The following SLC8A1 variants were observed in gnomAD, a reference collection of about 807,000 sequenced individuals.
SLC8A1 encodes sodium/calcium exchanger 1.
A neutral mutation model predicts 68.3 loss-of-function variants in SLC8A1; 18 were observed. The ratio of observed to expected loss-of-function variants is 0.26; its 90% CI spans 0.18 to 0.39. SLC8A1 has a LOEUF of 0.39. SLC8A1 is among the 10% of genes least tolerant of loss of function. The probability of loss-of-function intolerance (pLI) is 1.00; values close to 1 mark genes in which losing one functional copy is unlikely to be tolerated. For synonymous variants in SLC8A1, 475 were observed against 415.5 expected, an observed-to-expected ratio of 1.14 and a Z score of -1.74; for missense variants, 985 against 1,156.7, an observed-to-expected ratio of 0.85 and a Z score of 2.15.
At chr2:40,267,549 G>A (rs2065499709) in intron 2 of SLC8A1, among the ~76,000 whole-genome samples, 2 of 152,124 alleles carry the variant, frequency 1.3e-5, no homozygotes, top group Admixed American at 6.6e-5. Context: ...TAAGCTTTGT[G>A]AAAGCAGGAA....
intron 2 of SLC8A1, among the ~76,000 whole-genome samples, chr2:40,257,273 C>T (rs1299174425): frequency 6.6e-6 from 1 of 152,114 alleles, no homozygotes; most frequent in Non-Finnish European, 1.5e-5. Flanking sequence ...CTAGTGCCTT[C>T]CTAACACGCA....
chr2:40,491,212 T>C (rs1705295885), intron 1 of SLC8A1, among the ~76,000 whole-genome samples: 1 of 152,168 alleles, frequency 6.6e-6, no homozygotes, highest in Admixed American at 6.6e-5. Flanking sequence ...CCCTTGTAAG[T>C]TGGATTCCTA....
intron 2 of SLC8A1, among the ~76,000 whole-genome samples, chr2:40,262,823 T>C (rs751486692): frequency 1.3e-5 from 2 of 151,956 alleles, no homozygotes; most frequent in African/African-American, 2.4e-5. Context: ...TATGAGAGAG[T>C]TGCTAAAATT....
intron 2 of SLC8A1, among the ~76,000 whole-genome samples, chr2:40,291,766 T>C (rs943916070): frequency 4.6e-5 from 7 of 152,164 alleles, no homozygotes; most frequent in Admixed American, 6.6e-5. Context: ...CATTTATCCA[T>C]TGGATTTTTC....
intron 2 of SLC8A1, among the ~76,000 whole-genome samples, chr2:40,220,993 A>G (rs1175543288): frequency 1.3e-5 from 2 of 152,286 alleles, no homozygotes; most frequent in East Asian, 3.9e-4. Context: ...TCCAAACAAC[A>G]GAAAAAGAGG....
intron 2 of SLC8A1, among the ~76,000 whole-genome samples, chr2:40,349,559 A>T (rs1299749285): frequency 6.6e-6 from 1 of 152,086 alleles, no homozygotes; most frequent in Non-Finnish European, 1.5e-5. Context: ...TCTCTGTGAA[A>T]TGGGGTTAAT....
At chr2:40,370,348 C>T (rs1347570781) in intron 2 of SLC8A1, among the ~76,000 whole-genome samples, 1 of 152,046 alleles carries the variant, frequency 6.6e-6, no homozygotes, top group Admixed American at 6.6e-5. Context: ...AACTTTTCTT[C>T]CAGCACCCAC....
exon 8 of SLC8A1, chr2:40,102,153 A>G (rs553995712): frequency 6.6e-6 from 1 of 152,282 alleles, no homozygotes; most frequent in East Asian, 1.9e-4. Flanking sequence ...CAGCAAACCT[A>G]TAAGTAAAAT....
intron 7 of SLC8A1, among the ~76,000 whole-genome samples, chr2:40,136,483 G>A (rs1424667070): frequency 6.6e-6 from 1 of 152,128 alleles, no homozygotes; most frequent in Admixed American, 6.5e-5. Flanking sequence ...TGTCCGTCTG[G>A]CCTTTAGAAT....
At chr2:40,204,719 G>A (rs2055050018) in intron 2 of SLC8A1, among the ~76,000 whole-genome samples, 1 of 151,926 alleles carries the variant, frequency 6.6e-6, no homozygotes, top group African/African-American at 2.4e-5. Flanking sequence ...AGATAAAGGT[G>A]AAAATTTAAT....
In SLC8A1 at chr2:40,326,006, A is replaced by C. The variant is rs1559251563; in HGVS notation, c.1808+102467T>G. ...CTGCCTTCTTCACACGCCCACAGGG[A>C]AAGTCAGCAACTCACCTGTCCTGAG... is the stretch of plus-strand genomic sequence containing the variant. On this transcript the variant is annotated intron_variant, in intron 2 of 7. Coordinates refer to ENST00000406785, the Ensembl canonical transcript of SLC8A1. Among the ~76,000 whole-genome samples the C allele has an allele frequency of 2.0e-5, 3 of 152,060 alleles. No homozygotes were observed. The South Asian group carries it at 6.2e-4, about 31-fold the overall frequency.
intron 1 of SLC8A1, among the ~76,000 whole-genome samples, chr2:40,451,377 G>T (rs984111592): frequency 3.9e-5 from 6 of 152,270 alleles, no homozygotes; most frequent in South Asian, 2.1e-4. Context: ...CCTCTCCGCA[G>T]TCCGTGGTGA....
intron 1 of SLC8A1, among the ~76,000 whole-genome samples, chr2:40,486,848 A>C (rs183399215): frequency 6.8e-6 from 1 of 146,814 alleles, no homozygotes; most frequent in African/African-American, 2.5e-5. Context: ...CATTAGGTAT[A>C]TCTCCTAATG....
At position 40,160,022 on chromosome 2, in the gene SLC8A1, G is replaced by A. The variant is rs199920276; in HGVS notation, c.2161+743C>T. 2.6e-5 allele frequency among the ~76,000 whole-genome samples: 4 copies of A among 152,280 alleles called. No individual in the cohort carries two copies. The East Asian group carries it at 5.8e-4, about 22-fold the overall frequency. On this transcript the variant is annotated intron_variant, in intron 6 of 7. Coordinates refer to ENST00000406785, the Ensembl canonical transcript of SLC8A1. Reference sequence around the variant, plus strand: ...CTGGAGGGATCTTTAAAGAGAGCCAGTGTAGATGGAGCAGAAGAACAGGAA... The same window carrying A: ...CTGGAGGGATCTTTAAAGAGAGCCAATGTAGATGGAGCAGAAGAACAGGAA...
chr2:40,160,960 A>C lies in SLC8A1; in HGVS notation c.2062-96T>G, dbSNP rs1401304486. On this transcript the variant is annotated intron_variant, in intron 5 of 7. Transcript: ENST00000406785. ...ATTTTGAAACTCCAGAGTTATATAA[A>C]GGGTAGCAGATGTTAGGCTCAAAAC... 4.8e-6 allele frequency: 4 copies of C among 824,994 alleles called. 1 individual carries two copies. In the Admixed American group the frequency reaches 8.7e-5, roughly 18 times the overall value. The allele number at this position is 824,994 out of a possible 1,614,324, so 51.1% of individuals were successfully genotyped here.
intron 2 of SLC8A1, among the ~76,000 whole-genome samples, chr2:40,230,511 T>A (rs937107687): frequency 6.6e-6 from 1 of 152,188 alleles, no homozygotes; most frequent in African/African-American, 2.4e-5. Flanking sequence ...TGCCTTCACC[T>A]GTTTCACAAT....
chr2:40,101,299 T>C (rs1459489584), exon 8 of SLC8A1: 4 of 152,266 alleles, frequency 2.6e-5, no homozygotes, highest in African/African-American at 4.8e-5. Context: ...AACTCACTCA[T>C]AGCCAGCAAT....
chr2:40,483,459 A>T (rs982212612), intron 1 of SLC8A1, among the ~76,000 whole-genome samples: 2 of 152,158 alleles, frequency 1.3e-5, no homozygotes, highest in African/African-American at 4.8e-5. Flanking sequence ...AAGCTTCAGC[A>T]CTTGGAGAGG....
At chr2:40,348,743 T>C (rs1467892525) in intron 2 of SLC8A1, among the ~76,000 whole-genome samples, 1 of 151,974 alleles carries the variant, frequency 6.6e-6, no homozygotes, top group Non-Finnish European at 1.5e-5. Flanking sequence ...GTCTTGCCCT[T>C]AATGACTCTT....
Sources: gnomAD v4.1 joint callset for allele counts (sites outside exome capture counted in the v4.1 genomes callset) on GRCh38, gnomAD v4.1.1 for gene constraint, MANE v1.5 for transcripts, NCBI Gene and HGNC (gene_info 2026-07-23, HGNC 2026-07-21) for gene names.